Variants in DLGAP1 observed in about 807,000 individuals in gnomAD.
The protein encoded by DLGAP1 is disks large-associated protein 1.
A neutral mutation model predicts 90.8 loss-of-function variants in DLGAP1; 11 were observed. The observed-to-expected ratio is 0.12, with a 90% CI of 0.08 to 0.20. DLGAP1 has a LOEUF of 0.20. DLGAP1 is among the 10% of genes least tolerant of loss of function. DLGAP1 has a pLI of 1.00. For missense variants in DLGAP1, 1,050 were observed against 1,333.8 expected (o/e 0.79, Z 3.31); for synonymous variants, 558 against 540.7 (o/e 1.03, Z -0.44).
intron 9 of DLGAP1, among the ~76,000 whole-genome samples, chr18:3,564,614 T>A (rs1019711855): frequency 6.6e-6 from 1 of 152,104 alleles, no homozygotes; most frequent in Non-Finnish European, 1.5e-5. Context: ...CCTGGTAGAG[T>A]TCCTGGAGGT....
intron 8 of DLGAP1, among the ~76,000 whole-genome samples, chr18:3,578,047 A>T (rs1434881344): frequency 6.6e-6 from 1 of 152,158 alleles, no homozygotes; most frequent in Non-Finnish European, 1.5e-5. Flanking sequence ...TATTTTATCA[A>T]TTAATTTTTA....
intron 9 of DLGAP1, among the ~76,000 whole-genome samples, chr18:3,544,227 A>G (rs1209353832): frequency 6.6e-6 from 1 of 152,112 alleles, no homozygotes; most frequent in African/African-American, 2.4e-5. Context: ...TGTCTCTACT[A>G]AAAACACAAA....
chr18:3,578,976 C>T (rs768134961), intron 8 of DLGAP1, among the ~76,000 whole-genome samples: 1 of 152,140 alleles, frequency 6.6e-6, no homozygotes. Flanking sequence ...GATAATGTCT[C>T]AAGTAAAAAC....
intron 2 of DLGAP1, among the ~76,000 whole-genome samples, chr18:4,141,599 C>T (rs1010037236): frequency 6.6e-6 from 1 of 151,970 alleles, no homozygotes; most frequent in Admixed American, 6.6e-5. Flanking sequence ...CTCCATGAAA[C>T]CATACTTTGA....
chr18:3,510,880 C>T (rs1002836165), intron 10 of DLGAP1, among the ~76,000 whole-genome samples: 1 of 152,194 alleles, frequency 6.6e-6, no homozygotes, highest in Non-Finnish European at 1.5e-5. Flanking sequence ...TGTTCTAAGC[C>T]ATTATTAGGG....
At chr18:3,845,860 A>G (rs1054132029) in intron 4 of DLGAP1, among the ~76,000 whole-genome samples, 1 of 152,250 alleles carries the variant, frequency 6.6e-6, no homozygotes, top group Non-Finnish European at 1.5e-5. Flanking sequence ...AAATAACAAT[A>G]GATTTCCATC....
intron 7 of DLGAP1, among the ~76,000 whole-genome samples, chr18:3,714,711 G>A (rs2061706737): frequency 7.1e-6 from 1 of 140,720 alleles, no homozygotes; most frequent in Non-Finnish European, 1.5e-5. Flanking sequence ...TTGGCTCACT[G>A]AGACCTCCAC....
intron 5 of DLGAP1, among the ~76,000 whole-genome samples, chr18:3,783,769 G>A (rs2065314403): frequency 6.6e-6 from 1 of 152,192 alleles, no homozygotes; most frequent in African/African-American, 2.4e-5. Flanking sequence ...TATATAGTAT[G>A]TGCATTATAT....
intron 2 of DLGAP1, among the ~76,000 whole-genome samples, chr18:4,132,452 G>T (rs981817729): frequency 2.0e-5 from 3 of 152,158 alleles, no homozygotes; most frequent in Non-Finnish European, 2.9e-5. Flanking sequence ...CTTTCTAGCT[G>T]TGTGACCCTA....
intron 3 of DLGAP1, among the ~76,000 whole-genome samples, chr18:3,904,908 A>T (rs1442084130): frequency 1.3e-5 from 2 of 152,114 alleles, no homozygotes; most frequent in Admixed American, 6.5e-5. Flanking sequence ...TTGGCATAGT[A>T]GATACATTTT....
chr18:4,268,348 T>G (rs1038013629), intron 1 of DLGAP1, among the ~76,000 whole-genome samples: 1 of 152,132 alleles, frequency 6.6e-6, no homozygotes, highest in Non-Finnish European at 1.5e-5. Context: ...TATTCTACAG[T>G]GTAGTTAAAT....
chr18:3,717,720 G>A (rs2061814814), intron 7 of DLGAP1, among the ~76,000 whole-genome samples: 1 of 152,170 alleles, frequency 6.6e-6, no homozygotes, highest in Non-Finnish European at 1.5e-5. Flanking sequence ...AATTTCCAGA[G>A]GAAATCTTAT....
intron 7 of DLGAP1, among the ~76,000 whole-genome samples, chr18:3,600,757 GAT>G (rs375384194): frequency 0.034 from 296 of 8,614 alleles, 32 homozygotes; most frequent in Non-Finnish European, 0.051. Context: ...GATATATATA[GAT>G]ATATAGATAT....
chr18:3,761,579 T>C (rs2063966026), intron 5 of DLGAP1, among the ~76,000 whole-genome samples: 1 of 131,352 alleles, frequency 7.6e-6, no homozygotes, highest in East Asian at 2.0e-4. Flanking sequence ...TCTTTCTTTC[T>C]TTTTTTTTTT....
At chr18:3,617,844 G>C (rs1410856496) in intron 7 of DLGAP1, among the ~76,000 whole-genome samples, 1 of 151,722 alleles carries the variant, frequency 6.6e-6, no homozygotes, top group Non-Finnish European at 1.5e-5. Flanking sequence ...AGACCAGCCT[G>C]GGCAACATGG....
intron 1 of DLGAP1, among the ~76,000 whole-genome samples, chr18:4,364,907 T>C (rs1205815972): frequency 2.0e-5 from 3 of 152,216 alleles, no homozygotes; most frequent in Non-Finnish European, 4.4e-5. Flanking sequence ...CTTAATTTCA[T>C]TATTTACCCA....
chr18:3,656,963 G>A (rs376302671), intron 7 of DLGAP1, among the ~76,000 whole-genome samples: 23 of 152,002 alleles, frequency 1.5e-4, no homozygotes, highest in East Asian at 1.4e-3. Context: ...AGTCAGGATG[G>A]TCTCGATCTC....
chr18:3,505,577 G>A (rs2050169661), intron 11 of DLGAP1, among the ~76,000 whole-genome samples: 1 of 145,482 alleles, frequency 6.9e-6, no homozygotes, highest in Non-Finnish European at 1.5e-5. Flanking sequence ...GGCAGAGATT[G>A]CAATGAGCTG....
chr18:4,124,588 T>C (rs1397407137), intron 2 of DLGAP1, among the ~76,000 whole-genome samples: 2 of 152,358 alleles, frequency 1.3e-5, no homozygotes, highest in Middle Eastern at 3.4e-3. Context: ...AATGGCCTTG[T>C]TTTCAGAAAT....
Sources: gnomAD v4.1 joint callset for allele counts (sites outside exome capture counted in the v4.1 genomes callset) on GRCh38, gnomAD v4.1.1 for gene constraint, MANE v1.5 for transcripts, NCBI Gene and HGNC (gene_info 2026-07-23, HGNC 2026-07-21) for gene names.